FOXK2: variants seen among roughly 807,000 people sequenced by gnomAD.
The protein encoded by FOXK2 is forkhead box protein K2.
A neutral mutation model predicts 53.3 loss-of-function variants in FOXK2; 24 were observed. The ratio of observed to expected loss-of-function variants is 0.45; its 90% CI spans 0.33 to 0.63. The LOEUF (loss-of-function observed/expected upper bound fraction) is 0.63. FOXK2 is among the 30% of genes least tolerant of loss of function. FOXK2 has a pLI of 0.03. For synonymous variants in FOXK2, 505 were observed against 407.1 expected (o/e 1.24, Z -2.89); for missense variants, 952 against 910.5 (o/e 1.05, Z -0.59).
chr17:82,557,982 C>T (rs2044750224), intron 1 of FOXK2, among the ~76,000 whole-genome samples: 1 of 152,162 alleles, frequency 6.6e-6, no homozygotes, highest in Non-Finnish European at 1.5e-5. Context: ...CCCTGTGCTC[C>T]TGAGGATCCT....
chr17:82,529,439 G>A (rs373518160), intron 1 of FOXK2, among the ~76,000 whole-genome samples: 2 of 150,532 alleles, frequency 1.3e-5, no homozygotes, highest in East Asian at 3.9e-4. Context: ...GTCCAGGCTG[G>A]AATGCAGTGG....
chr17:82,587,866 G>A (rs2143138262), intron 8 of FOXK2, among the ~76,000 whole-genome samples: 1 of 152,302 alleles, frequency 6.6e-6, no homozygotes, highest in East Asian at 1.9e-4. Context: ...CTCAGGTGTG[G>A]GCTCCCGCTG....
At position 82,520,263 on chromosome 17, in the gene FOXK2, C is replaced by T. The variant is rs2044347164; in HGVS notation, c.375C>T (p.Gly125=). The T allele has an allele frequency of 1.6e-6, 2 of 1,278,136 alleles. No homozygotes were observed. Among genetic ancestry groups the T allele is most frequent in the Non-Finnish European group, 9.9e-7 (1 of 1,008,470 alleles). 79.2% of individuals were successfully genotyped at this position (1,278,136 alleles called of 1,614,324 possible). ...GCAAGAACGGGGTATTCGTGGACGG[C>T]GTGTTCCAGAGGCGCGGGGCGCCGC... ...CLGKNGVFVD[G]VFQRRGAPPL... is the part of the protein sequence containing the mutation. The change falls in exon 1 of 9, where the codon GGC becomes GGT. Residue 125 remains glycine, a synonymous_variant. Transcript: ENST00000335255.
At chr17:82,527,586 G>A (rs1303180519) in intron 1 of FOXK2, among the ~76,000 whole-genome samples, 3 of 152,256 alleles carry the variant, frequency 2.0e-5, no homozygotes, top group African/African-American at 4.8e-5. Context: ...CTGAGATGGC[G>A]CCACTGTACT....
At chr17:82,527,395 G>A (rs745938603) in intron 1 of FOXK2, among the ~76,000 whole-genome samples, 6 of 152,178 alleles carry the variant, frequency 3.9e-5, no homozygotes, top group Admixed American at 3.9e-4. Context: ...TTGGGAAGCC[G>A]AGACAGGTGG....
At chr17:82,554,314 G>A (rs62078130) in intron 1 of FOXK2, among the ~76,000 whole-genome samples, 6,341 of 152,308 alleles carry the variant, frequency 0.042, 191 homozygotes, top group Non-Finnish European at 0.064. Context: ...TTGCAACAAA[G>A]TCTGGCTTTG....
chr17:82,538,560 A>C (rs2044543289), intron 1 of FOXK2, among the ~76,000 whole-genome samples: 1 of 152,264 alleles, frequency 6.6e-6, no homozygotes, highest in South Asian at 2.1e-4. Context: ...TGTTGCAGAC[A>C]GAAGAATGCC....
In FOXK2 at chr17:82,582,764, T is replaced by C; in HGVS notation, c.933T>C (p.Ser311=). The C allele has an allele frequency of 6.3e-7, 1 of 1,599,750 alleles. No homozygotes were observed. The change falls in exon 5 of 9, where the codon TCT becomes TCC. Residue 311 remains serine (S), a synonymous_variant. Transcript: ENST00000335255. ...AGAATTCAATTCGCCACAATCTCTC[T>C]CTGAATCGTTATTTCATCAAAGTGC... ...GWQNSIRHNL[S]LNRYFIKVPR...
chr17:82,593,351 AGGAAGGAGGGAG>A (rs962228559), intron 8 of FOXK2: 4 of 138,922 alleles, frequency 2.9e-5, no homozygotes, highest in African/African-American at 1.0e-4. Flanking sequence ...TCTGGAAGGA[AGGAAGGAGGGAG>A]GGAGGGAGGG....
chr17:82,594,165 G>A (rs1301493525), intron 8 of FOXK2, among the ~76,000 whole-genome samples: 1 of 152,206 alleles, frequency 6.6e-6, no homozygotes, highest in Non-Finnish European at 1.5e-5. Context: ...CAAGTGTTAT[G>A]ACGTAGGTTG....
chr17:82,553,629 A>G (rs1300944362), intron 1 of FOXK2, among the ~76,000 whole-genome samples: 1 of 152,196 alleles, frequency 6.6e-6, no homozygotes, highest in Non-Finnish European at 1.5e-5. Flanking sequence ...GTCTGTGTTC[A>G]TGAGATCCAC....
chr17:82,574,935 T>G (rs2044965647), intron 4 of FOXK2, among the ~76,000 whole-genome samples: 1 of 152,238 alleles, frequency 6.6e-6, no homozygotes. Flanking sequence ...TTTTTCATGG[T>G]ACAAAAGTAT....
At chr17:82,539,432 A>G (rs903887527) in intron 1 of FOXK2, among the ~76,000 whole-genome samples, 2 of 152,068 alleles carry the variant, frequency 1.3e-5, no homozygotes, top group Non-Finnish European at 2.9e-5. Context: ...GGATCAGTTG[A>G]GGACAGGAGT....
chr17:82,601,217 G>A lies in FOXK2; in HGVS notation c.1787-86G>A, dbSNP rs532893391. Reference sequence around the variant, plus strand: ...ACATGAGAGCGTGGGGTTCTGACTCGCGAGGGTTCACGTGAGAGCGTGGGG... The same window carrying A: ...ACATGAGAGCGTGGGGTTCTGACTCACGAGGGTTCACGTGAGAGCGTGGGG... On this transcript the variant is annotated intron_variant, in intron 8 of 8. Transcript: ENST00000335255. 228 of 1,399,468 alleles carry A rather than the reference G, an allele frequency of 1.6e-4. No individual in the cohort carries two copies. In the African/African-American group the frequency reaches 2.7e-3, roughly 16 times the overall value. 86.7% of individuals were successfully genotyped at this position (1,399,468 alleles called of 1,614,324 possible). A position where few individuals can be genotyped will look rare whatever the true frequency, so the allele number is the denominator to read the frequency against.
At chr17:82,538,624 G>T (rs983466451) in intron 1 of FOXK2, among the ~76,000 whole-genome samples, 1 of 152,240 alleles carries the variant, frequency 6.6e-6, no homozygotes, top group Non-Finnish European at 1.5e-5. Context: ...GGGTTTTTCT[G>T]TGTATCATGT....
intron 1 of FOXK2, among the ~76,000 whole-genome samples, chr17:82,561,359 A>G (rs1242853755): frequency 1.3e-5 from 2 of 151,880 alleles, no homozygotes; most frequent in Non-Finnish European, 2.9e-5. Context: ...TTTTGGAGCC[A>G]TTTGGGTATA....
intron 1 of FOXK2, among the ~76,000 whole-genome samples, chr17:82,525,504 G>C (rs1356499434): frequency 3.9e-5 from 6 of 152,134 alleles, no homozygotes; most frequent in Non-Finnish European, 7.3e-5. Flanking sequence ...ATTTGTCCAA[G>C]GGCCTGGTCT....
chr17:82,544,984 A>G (rs997327608), intron 1 of FOXK2, among the ~76,000 whole-genome samples: 3 of 151,760 alleles, frequency 2.0e-5, no homozygotes, highest in Non-Finnish European at 2.9e-5. Flanking sequence ...AAAAAAAAGA[A>G]TTGTCGATCT....
chr17:82,564,086 G>GT (rs35624921), intron 2 of FOXK2, among the ~76,000 whole-genome samples: 5,880 of 120,550 alleles, frequency 0.049, 364 homozygotes, highest in African/African-American at 0.14. Context: ...TTTTAAAGTG[G>GT]TTTTTTTTTT....
Sources: allele counts gnomAD v4.1 joint callset (sites outside exome capture counted in the v4.1 genomes callset), GRCh38; gene constraint gnomAD v4.1.1; transcripts MANE v1.5; gene names NCBI Gene and HGNC (gene_info 2026-07-23, HGNC 2026-07-21).